The following JAKMIP1 variants were observed in gnomAD, a reference collection of about 807,000 sequenced individuals.
The protein encoded by JAKMIP1 is janus kinase and microtubule interacting protein 1.
In JAKMIP1, 33 loss-of-function variants were observed where a neutral mutation model predicts 113.0. The observed-to-expected ratio is 0.29, with a 90% confidence interval of 0.22 to 0.39. JAKMIP1 has a LOEUF of 0.39. Ranked by LOEUF, JAKMIP1 falls within the 10% of genes least tolerant of loss-of-function variation. JAKMIP1 has a pLI of 1.00. For missense variants in JAKMIP1, 813 were observed against 1,080.5 expected (o/e 0.75, Z 3.47); for synonymous variants, 480 against 459.9 (o/e 1.04, Z -0.56).
In JAKMIP1 at chr4:6,065,793, C is replaced by A. The variant is rs532938754; in HGVS notation, c.1303-785G>T. ...ATATCATAGGATATGGGGCTTCATTCATCTGTCTATCAATTCATTCACTCA... is the reference window on the plus strand; with the variant it reads ...ATATCATAGGATATGGGGCTTCATTAATCTGTCTATCAATTCATTCACTCA... On this transcript the variant is annotated intron_variant, in intron 8 of 20. Transcript: ENST00000409021. The surrounding 1 kb of genome is among the most constrained non-coding windows in gnomAD (Gnocchi z 5.1). 6.6e-5 allele frequency among the ~76,000 whole-genome samples: 10 copies of A among 152,282 alleles called. No homozygotes were observed. Among genetic ancestry groups the A allele is most frequent in the African/African-American group, 1.9e-4 (8 of 41,556 alleles).
rs1721706333 is a variant in JAKMIP1 at position 6,089,250 on chromosome 4, A to C, written c.625-3621T>G. On this transcript the variant is annotated intron_variant, in intron 3 of 20. Coordinates refer to ENST00000409021, the MANE Select transcript of JAKMIP1 (RefSeq NM_001099433.2). The surrounding 1 kb of genome is among the most constrained non-coding windows in gnomAD (Gnocchi z 5.3). ...TTAGTGCACCTGGAGCTGCACCTAC[A>C]GCAAATCCCATGACTTCAGTTGGGG... 6.6e-6 allele frequency among the ~76,000 whole-genome samples: 1 copy of C among 152,266 alleles called. No homozygotes were observed. The highest frequency in any genetic ancestry group is 2.1e-4 in the South Asian group (1 of 4,832).
At position 6,093,436 on chromosome 4, in the gene JAKMIP1, G is replaced by A. The variant is rs150664480; in HGVS notation, c.625-7807C>T. On this transcript the variant is annotated intron_variant, in intron 3 of 20. Coordinates refer to ENST00000409021, the MANE Select transcript of JAKMIP1 (RefSeq NM_001099433.2). This position sits in a 1 kb window ranked among gnomAD's most constrained non-coding sequence, Gnocchi z 4.6. ...ATTCTGACTGACAGCAAATTTCATG[G>A]CCATGGATGACTATAAACAGTGTCC... Among the ~76,000 whole-genome samples, 320 of 152,220 alleles carry A rather than the reference G, an allele frequency of 2.1e-3. 3 individuals are homozygous for A. Among genetic ancestry groups the A allele is most frequent in the African/African-American group, 7.3e-3 (304 of 41,508 alleles).
At chr4:6,062,488 T>A (rs1460631346) in intron 9 of JAKMIP1, 48 bp from the exon 10 acceptor site, 3 of 1,561,830 alleles carry the variant, frequency 1.9e-6, no homozygotes, top group African/African-American at 1.4e-5. Context: ...AAAATTACAA[T>A]AATAAATGAT....
intron 7 of JAKMIP1, among the ~76,000 whole-genome samples, chr4:6,079,785 C>T (rs573544314): frequency 1.5e-4 from 23 of 152,292 alleles, no homozygotes; most frequent in Non-Finnish European, 2.9e-4. Flanking sequence ...CAGTCTGCAA[C>T]TGCTAAGCTA....
rs1050621310 is a variant in JAKMIP1, at chr4:6,192,089, T to G, written c.-148+8164A>C. 2.0e-5 allele frequency among the ~76,000 whole-genome samples: 3 copies of G among 151,944 alleles called. No homozygotes were observed. Among genetic ancestry groups the G allele is most frequent in the African/African-American group, 7.3e-5 (3 of 41,374 alleles). ...TTGGGATTACAGGCGTGTGCCACCATGCCCAGCTAATTTTTGTATTTTCAG... is the reference window on the plus strand; with the variant it reads ...TTGGGATTACAGGCGTGTGCCACCAGGCCCAGCTAATTTTTGTATTTTCAG... On this transcript the variant is annotated intron_variant, in intron 1 of 20. Transcript: ENST00000409021. This position sits in a 1 kb window ranked among gnomAD's most constrained non-coding sequence, Gnocchi z 5.0.
rs1206427387 is a variant in JAKMIP1, at chr4:6,137,667, A to C, written c.-147-24670T>G. ...GAGCTATCCTGAAATGCGGAGGCTA[A>C]AGAGCCACAAACCATATCTCTGAGA... is the stretch of plus-strand genomic sequence containing the variant. On this transcript the variant is annotated intron_variant, in intron 1 of 20. Coordinates refer to ENST00000409021, the MANE Select transcript of JAKMIP1 (RefSeq NM_001099433.2). This position sits in a 1 kb window ranked among gnomAD's most constrained non-coding sequence, Gnocchi z 4.5. Among the ~76,000 whole-genome samples, 1 of 152,198 alleles carries C rather than the reference A, an allele frequency of 6.6e-6. No individual in the cohort carries two copies. Among genetic ancestry groups the C allele is most frequent in the African/African-American group, 2.4e-5 (1 of 41,446 alleles).
rs931344841 is a variant in JAKMIP1, at chr4:6,155,218, G to A, written c.-147-42221C>T. On this transcript the variant is annotated intron_variant, in intron 1 of 20. Coordinates refer to ENST00000409021, the MANE Select transcript of JAKMIP1 (RefSeq NM_001099433.2). The surrounding 1 kb of genome is among the most constrained non-coding windows in gnomAD (Gnocchi z 6.1). ...TCCGCAGTGACCCTGGTGTGCCCAC[G>A]AGGAGGACGAATGCTCCTCCTAAGG... 6.6e-6 allele frequency among the ~76,000 whole-genome samples: 1 copy of A among 152,180 alleles called. No homozygotes were observed. Among genetic ancestry groups the A allele is most frequent in the South Asian group, 2.1e-4 (1 of 4,806 alleles).
rs116553690 is a variant in JAKMIP1, at chr4:6,077,098, A to T, written c.1302+1841T>A. ...CATATAAAGTAAGGTGTTATGGATT[A>T]AACTGTATCCCCCCAAAAAGATAGG... On this transcript the variant is annotated intron_variant, in intron 8 of 20. Transcript: ENST00000409021. Among the ~76,000 whole-genome samples, 1,027 of 152,344 alleles carry T rather than the reference A, an allele frequency of 6.7e-3. 16 individuals carry two copies. Among genetic ancestry groups the T allele is most frequent in the African/African-American group, 0.023 (975 of 41,574 alleles).
chr4:6,068,326 T>C (rs1718463731), intron 8 of JAKMIP1, among the ~76,000 whole-genome samples: 1 of 152,132 alleles, frequency 6.6e-6, no homozygotes, highest in Admixed American at 6.5e-5. Flanking sequence ...CAGTATCATA[T>C]CATATGGCCC....
intron 19 of JAKMIP1, among the ~76,000 whole-genome samples, chr4:6,032,468 T>G (rs1017122844): frequency 6.6e-6 from 1 of 152,146 alleles, no homozygotes; most frequent in African/African-American, 2.4e-5. Context: ...TTGCTTACCT[T>G]CTCTGAGCCT....
chr4:6,071,316 C>T (rs919239810), intron 8 of JAKMIP1, among the ~76,000 whole-genome samples: 1 of 150,678 alleles, frequency 6.6e-6, no homozygotes, highest in African/African-American at 2.4e-5. Flanking sequence ...ACCTGAGACA[C>T]CTGGGCCTGG....
rs551164912 is a variant in JAKMIP1, at chr4:6,200,056, G to T, written c.-148+197C>A. Among the ~76,000 whole-genome samples the T allele has an allele frequency of 9.6e-5, 14 of 145,796 alleles. No individual in the cohort carries two copies. Among genetic ancestry groups the T allele is most frequent in the Admixed American group, 2.0e-4 (3 of 14,870 alleles). On this transcript the variant is annotated intron_variant, in intron 1 of 20. Coordinates refer to ENST00000409021, the MANE Select transcript of JAKMIP1 (RefSeq NM_001099433.2). The surrounding 1 kb of genome is among the most constrained non-coding windows in gnomAD (Gnocchi z 7.0). The stretch of plus-strand genomic sequence containing the variant: ...GGGGGATGGGTATGGAAGGGTGGGG[G>T]ACCACTGAGGTGGGATGCGAGAGTG...
chr4:6,126,310 CACACACAA>C (rs1334560620), intron 1 of JAKMIP1, among the ~76,000 whole-genome samples: 1 of 137,520 alleles, frequency 7.3e-6, no homozygotes, highest in Non-Finnish European at 1.6e-5. Context: ...TACAGAAACA[CACACACAA>C]ACATACACCT....
chr4:6,132,586 G>A (rs544449806), intron 1 of JAKMIP1, among the ~76,000 whole-genome samples: 7 of 150,254 alleles, frequency 4.7e-5, no homozygotes, highest in African/African-American at 1.7e-4. Flanking sequence ...AGGTTGCAGT[G>A]AGCTGAGATC....
intron 8 of JAKMIP1, among the ~76,000 whole-genome samples, chr4:6,074,574 C>A (rs1719438088): frequency 6.6e-6 from 1 of 152,146 alleles, no homozygotes; most frequent in Non-Finnish European, 1.5e-5. Context: ...CTAGAACCTC[C>A]CACGAATACT....
In JAKMIP1 at chr4:6,161,438, G is replaced by T. The variant is rs1209574194; in HGVS notation, c.-148+38815C>A. Among the ~76,000 whole-genome samples the T allele has an allele frequency of 3.3e-5, 5 of 151,540 alleles. No individual in the cohort carries two copies. The East Asian group carries it at 7.7e-4, about 23-fold the overall frequency. On this transcript the variant is annotated intron_variant, in intron 1 of 20. Transcript: ENST00000409021. ...CAGGTGTGCTAAAGGAAAGGAAGCT[G>T]GCCCAATGGGAAGGTGGGAGAGCCA... is the stretch of plus-strand genomic sequence containing the variant.
intron 18 of JAKMIP1, among the ~76,000 whole-genome samples, chr4:6,036,522 A>C (rs1350904117): frequency 6.6e-6 from 1 of 152,186 alleles, no homozygotes; most frequent in Admixed American, 6.5e-5. Context: ...ATATGTCTGG[A>C]TTTGCACACA....
rs1157585762 is a variant in JAKMIP1, at chr4:6,199,456, G to A, written c.-148+797C>T. Among the ~76,000 whole-genome samples, 1 of 152,200 alleles carries A rather than the reference G, an allele frequency of 6.6e-6. No individual in the cohort carries two copies. The highest frequency in any genetic ancestry group is 2.4e-5 in the African/African-American group (1 of 41,464). On this transcript the variant is annotated intron_variant, in intron 1 of 20. Transcript: ENST00000409021. This position sits in a 1 kb window ranked among gnomAD's most constrained non-coding sequence, Gnocchi z 5.6. ...GGAGGCGAGGCCGCAGCGCACTGAC[G>A]CAGGCCAGCGAGGCCGCTGGCCCCG...
chr4:6,115,378 C>T (rs902318019), intron 1 of JAKMIP1, among the ~76,000 whole-genome samples: 2 of 152,126 alleles, frequency 1.3e-5, no homozygotes, highest in Non-Finnish European at 2.9e-5. Context: ...CCATTGCACC[C>T]CAGCCTGGGA....
Sources: gnomAD v4.1 joint callset for allele counts (sites outside exome capture counted in the v4.1 genomes callset) on GRCh38, gnomAD v4.1.1 for gene constraint, Gnocchi (gnomAD v3.1) non-coding constraint, MANE v1.5 for transcripts, NCBI Gene and HGNC (gene_info 2026-07-23, HGNC 2026-07-21) for gene names.